The following ANKRD17 variants were observed in gnomAD, a reference collection of about 807,000 sequenced individuals.
ANKRD17 encodes ankyrin repeat domain 17.
In ANKRD17, 19 loss-of-function variants were observed where a neutral mutation model predicts 229.7. The ratio of observed to expected loss-of-function variants is 0.08; its 90% confidence interval spans 0.06 to 0.12. The LOEUF is 0.12. Among genes scored for constraint, ANKRD17 ranks in the 10% least tolerant of loss-of-function variants. The probability of loss-of-function intolerance (pLI) is 1.00; values close to 1 mark genes in which losing one functional copy is unlikely to be tolerated. For missense variants in ANKRD17, 2,176 were observed against 3,176.8 expected, an observed-to-expected ratio of 0.68 and a Z score of 7.57; for synonymous variants, 1,112 against 1,146.1, an observed-to-expected ratio of 0.97 and a Z score of 0.60.
chr4:73,125,666 G>A (rs1170901389), intron 16 of ANKRD17, among the ~76,000 whole-genome samples: 1 of 149,540 alleles, frequency 6.7e-6, no homozygotes, highest in Non-Finnish European at 1.5e-5. Context: ...CTGGGAGGCA[G>A]AGGTTACAGT....
intron 8 of ANKRD17, among the ~76,000 whole-genome samples, chr4:73,148,238 A>G (rs1284069852): frequency 6.6e-6 from 1 of 152,212 alleles, no homozygotes; most frequent in East Asian, 1.9e-4. Flanking sequence ...TTTACTACTG[A>G]AAGAAAAATA....
intron 1 of ANKRD17, among the ~76,000 whole-genome samples, chr4:73,226,349 T>C (rs1005509217): frequency 1.3e-5 from 2 of 151,610 alleles, no homozygotes; most frequent in African/African-American, 2.4e-5. Context: ...CTAATACCTT[T>C]TAAATTATTG....
At chr4:73,211,634 G>C (rs1166640469) in intron 1 of ANKRD17, among the ~76,000 whole-genome samples, 1 of 151,992 alleles carries the variant, frequency 6.6e-6, no homozygotes, top group Non-Finnish European at 1.5e-5. Flanking sequence ...ATCACCTGAG[G>C]TCAGGAGTTC....
At chr4:73,233,462 A>G (rs116366184) in intron 1 of ANKRD17, among the ~76,000 whole-genome samples, 1,869 of 152,334 alleles carry the variant, frequency 0.012, 18 homozygotes, top group Middle Eastern at 0.048. Context: ...ACTAGTCACT[A>G]AAGGAAATTT....
intron 18 of ANKRD17, among the ~76,000 whole-genome samples, chr4:73,122,188 C>T (rs1006238777): frequency 3.9e-5 from 6 of 152,044 alleles, no homozygotes; most frequent in African/African-American, 1.4e-4. Context: ...TATATTTTCA[C>T]AAGATTATGA....
At chr4:73,163,862 T>C (rs771905211) in intron 2 of ANKRD17, among the ~76,000 whole-genome samples, 2 of 152,044 alleles carry the variant, frequency 1.3e-5, no homozygotes, top group South Asian at 2.1e-4. Flanking sequence ...TTTTCTTTAA[T>C]AAAAAAACTA....
intron 1 of ANKRD17, among the ~76,000 whole-genome samples, chr4:73,240,806 C>CTTTT (rs111961579): frequency 4.7e-5 from 6 of 127,052 alleles, no homozygotes; most frequent in South Asian, 5.0e-4. Flanking sequence ...AGTACTTATT[C>CTTTT]TTTTTTTTTT....
intron 2 of ANKRD17, among the ~76,000 whole-genome samples, chr4:73,171,320 G>C (rs866953133): frequency 1.3e-5 from 2 of 152,172 alleles, no homozygotes; most frequent in Middle Eastern, 3.4e-3. Flanking sequence ...CCACCAAGGT[G>C]GTACCTCTAT....
intron 2 of ANKRD17, among the ~76,000 whole-genome samples, chr4:73,161,588 G>T (rs1333749644): frequency 6.6e-6 from 1 of 152,192 alleles, no homozygotes; most frequent in Non-Finnish European, 1.5e-5. Context: ...CCAGAAACGG[G>T]TCTTTGGCCT....
intron 1 of ANKRD17, among the ~76,000 whole-genome samples, chr4:73,243,394 G>T (rs1469355663): frequency 2.0e-5 from 3 of 152,182 alleles, no homozygotes; most frequent in Non-Finnish European, 4.4e-5. Flanking sequence ...CAGGGTTAAG[G>T]CGATGGTAGT....
intron 20 of ANKRD17, 78 bp from the exon 21 acceptor site, chr4:73,120,415 A>C: frequency 7.4e-7 from 1 of 1,346,134 alleles, no homozygotes; most frequent in Non-Finnish European, 1.0e-6. Flanking sequence ...TAACAACTTG[A>C]AGAAGGAATA....
chr4:73,201,232 TGACA>T (rs1473789654), intron 1 of ANKRD17, among the ~76,000 whole-genome samples: 1 of 152,042 alleles, frequency 6.6e-6, no homozygotes, highest in Non-Finnish European at 1.5e-5. Context: ...TTATCACACT[TGACA>T]AAGATTCACA....
intron 1 of ANKRD17, among the ~76,000 whole-genome samples, chr4:73,178,334 T>A (rs1160280894): frequency 6.6e-6 from 1 of 152,224 alleles, no homozygotes; most frequent in Non-Finnish European, 1.5e-5. Flanking sequence ...AACACTATAC[T>A]TTTTATATGC....
intron 1 of ANKRD17, among the ~76,000 whole-genome samples, chr4:73,196,249 C>T (rs1191478920): frequency 3.3e-5 from 5 of 151,974 alleles, no homozygotes; most frequent in African/African-American, 7.2e-5. Flanking sequence ...CTGCCCACCT[C>T]GGCCTCCCGA....
At chr4:73,135,918 A>G (rs1380872574) in intron 15 of ANKRD17, among the ~76,000 whole-genome samples, 1 of 152,230 alleles carries the variant, frequency 6.6e-6, no homozygotes, top group African/African-American at 2.4e-5. Context: ...CAATGAATCC[A>G]GCAATCACAC....
intron 1 of ANKRD17, among the ~76,000 whole-genome samples, chr4:73,210,549 G>A (rs2149152789): frequency 6.6e-6 from 1 of 152,238 alleles, no homozygotes; most frequent in African/African-American, 2.4e-5. Flanking sequence ...CCACAAGTTT[G>A]GAACCTTTGC....
At chr4:73,190,303 A>G (rs370108631) in intron 1 of ANKRD17, among the ~76,000 whole-genome samples, 2 of 152,154 alleles carry the variant, frequency 1.3e-5, no homozygotes, top group African/African-American at 4.8e-5. Flanking sequence ...CGGGAGGCAG[A>G]GGCTGCAGTG....
At chr4:73,168,359 C>T (rs1440152402) in intron 2 of ANKRD17, among the ~76,000 whole-genome samples, 1 of 151,998 alleles carries the variant, frequency 6.6e-6, no homozygotes, top group African/African-American at 2.4e-5. Context: ...AAGAAAACAT[C>T]ATGTCTTTAA....
chr4:73,250,986 A>G (rs1469994546), intron 1 of ANKRD17, among the ~76,000 whole-genome samples: 1 of 152,090 alleles, frequency 6.6e-6, no homozygotes, highest in African/African-American at 2.4e-5. Flanking sequence ...AACTAACCCC[A>G]GGCTGGATGC....
Sources: allele counts gnomAD v4.1 joint callset (sites outside exome capture counted in the v4.1 genomes callset), GRCh38; gene constraint gnomAD v4.1.1; transcripts MANE v1.5; gene names NCBI Gene and HGNC (gene_info 2026-07-23, HGNC 2026-07-21).